The following AMOT variants were observed in gnomAD, a reference collection of about 807,000 sequenced individuals.
The protein encoded by AMOT is angiomotin.
In AMOT, 11 loss-of-function variants were observed where a neutral mutation model predicts 67.0. The ratio of observed to expected loss-of-function variants is 0.16; its 90% confidence interval spans 0.10 to 0.27. The LOEUF is 0.27. AMOT is among the 10% of genes least tolerant of loss of function. The pLI is 1.00. For synonymous variants in AMOT, 326 were observed against 321.4 expected, an observed-to-expected ratio of 1.01 and a Z score of -0.15; for missense variants, 753 against 852.0, an observed-to-expected ratio of 0.88 and a Z score of 1.45.
chrX:112,830,502 C>A (rs780303489), intron 2 of AMOT, among the ~76,000 whole-genome samples: 29 of 112,117 alleles, frequency 2.6e-4, no homozygotes, highest in Non-Finnish European at 4.5e-4. Context: ...ACTGATGGGT[C>A]AAGAAGCATA....
intron 8 of AMOT, among the ~76,000 whole-genome samples, chrX:112,801,746 A>T (rs1176266947): frequency 1.8e-5 from 2 of 112,571 alleles, no homozygotes; most frequent in African/African-American, 6.5e-5. Flanking sequence ...AAATAAATGC[A>T]AGGGTCCTCT....
chrX:112,834,031 T>C (rs1279512035), intron 1 of AMOT, among the ~76,000 whole-genome samples: 1 of 112,212 alleles, frequency 8.9e-6, no homozygotes, highest in Non-Finnish European at 1.9e-5. Flanking sequence ...GGCAACTTCA[T>C]AAAAGGATGT....
intron 11 of AMOT, among the ~76,000 whole-genome samples, chrX:112,782,006 G>A (rs1290703412): frequency 3.6e-5 from 4 of 110,791 alleles, no homozygotes; most frequent in African/African-American, 9.9e-5. Context: ...CTCCTGCCTC[G>A]GCCTCCTGAG....
rs143829571 is a variant in AMOT, at chrX:112,815,423, C to G, written c.1327G>C (p.Asp443His). 1 of 1,212,020 alleles carries G rather than the reference C, an allele frequency of 8.3e-7. No individual in the cohort carries two copies. The highest frequency in any genetic ancestry group is 1.1e-6 in the Non-Finnish European group (1 of 895,601). ...TCTTGCCTCAAGTTCCGGTTCTCGT[C>G]TGAGAGGATCTCAACCATCTGCTGG... ...RAQQMVEILS[D>H]ENRNLRQELE... Residue 443 changes from aspartate (D) to histidine (H), a missense_variant, in exon 5 of 14, where the codon GAC (aspartate) becomes CAC (histidine). By Grantham distance (81) the Asp-to-His change is moderately conservative (BLOSUM62 -1). Transcript: ENST00000371959.
chrX:112,838,483 C>T (rs532861075), intron 1 of AMOT, among the ~76,000 whole-genome samples: 1 of 111,722 alleles, frequency 9.0e-6, no homozygotes, highest in Middle Eastern at 4.7e-3. Context: ...TCATAGTATC[C>T]ATCCCCCTGC....
intron 5 of AMOT, among the ~76,000 whole-genome samples, chrX:112,813,091 C>G (rs1196077359): frequency 8.9e-6 from 1 of 112,442 alleles, no homozygotes; most frequent in African/African-American, 3.2e-5. Flanking sequence ...TTGGTCTGCT[C>G]TGGGCAGCAT....
Position 112,805,045 on chromosome X carries a change from T to C in AMOT, c.1678A>G (p.Thr560Ala). Residue 560 changes from threonine (T) to alanine (A), a missense_variant, in exon 8 of 14, where the codon ACT becomes GCT. Physicochemically the swap from Thr to Ala is moderately conservative, Grantham distance 58. Transcript: ENST00000371959. ...EKEKLEAELA[T>A]ARSTNEDQRR... ...TGGTCCTCATTGGTAGAACGGGCAG[T>C]GGCCAGCTCCGCTTCCAGCTTCTCC... 8.3e-7 allele frequency: 1 copy of C among 1,211,984 alleles called. No individual in the cohort carries two copies. Among genetic ancestry groups the C allele is most frequent in the Non-Finnish European group, 1.1e-6 (1 of 895,576 alleles).
intron 8 of AMOT, among the ~76,000 whole-genome samples, chrX:112,794,333 G>A (rs915306172): frequency 8.9e-6 from 1 of 111,928 alleles, no homozygotes; most frequent in African/African-American, 3.3e-5. Flanking sequence ...TAGGCATGCA[G>A]GTCAGATAAA....
intron 8 of AMOT, among the ~76,000 whole-genome samples, chrX:112,801,971 C>A (rs769114638): frequency 8.9e-6 from 1 of 112,529 alleles, no homozygotes; most frequent in Non-Finnish European, 1.9e-5. Flanking sequence ...GTTCATGATG[C>A]CATTTGTAAG....
chrX:112,832,778 T>C (rs1935025378), intron 1 of AMOT, among the ~76,000 whole-genome samples: 1 of 111,905 alleles, frequency 8.9e-6, no homozygotes, highest in African/African-American at 3.3e-5. Flanking sequence ...CTGTGCCCCT[T>C]TTCAAGGGAG....
chrX:112,787,085 C>G (rs1479934049), intron 10 of AMOT, among the ~76,000 whole-genome samples: 1 of 111,572 alleles, frequency 9.0e-6, no homozygotes, highest in Non-Finnish European at 1.9e-5. Context: ...AGGCTAAAAA[C>G]CTAGGTTTTC....
At chrX:112,805,494 T>C (rs1022839276) in intron 7 of AMOT, among the ~76,000 whole-genome samples, 2 of 110,876 alleles carry the variant, frequency 1.8e-5, no homozygotes, top group South Asian at 3.9e-4. Context: ...CAAAAAGCAA[T>C]TGAGCTCAAA....
intron 10 of AMOT, among the ~76,000 whole-genome samples, chrX:112,788,543 A>G (rs2147784624): frequency 8.9e-6 from 1 of 112,474 alleles, no homozygotes; most frequent in African/African-American, 3.2e-5. Context: ...AAGAAAACCA[A>G]CCTCCATGGT....
intron 8 of AMOT, among the ~76,000 whole-genome samples, chrX:112,798,214 A>G: frequency 8.9e-6 from 1 of 112,279 alleles, no homozygotes; most frequent in Non-Finnish European, 1.9e-5. Context: ...TGGTCTGATC[A>G]TTTCTTATCC....
chrX:112,795,494 A>G (rs997964930), intron 8 of AMOT, among the ~76,000 whole-genome samples: 1 of 111,676 alleles, frequency 9.0e-6, no homozygotes, highest in Non-Finnish European at 1.9e-5. Flanking sequence ...GGTCAGCAGC[A>G]GCCCAAATCC....
chrX:112,835,820 G>C (rs920922925), intron 1 of AMOT, among the ~76,000 whole-genome samples: 3 of 111,348 alleles, frequency 2.7e-5, no homozygotes, highest in Admixed American at 1.9e-4. Flanking sequence ...CTGACCTTAG[G>C]TGATCCGCCC....
intron 10 of AMOT, among the ~76,000 whole-genome samples, chrX:112,782,956 A>G (rs73630530): frequency 0.01 from 1,168 of 111,545 alleles, 14 homozygotes; most frequent in African/African-American, 0.036. Flanking sequence ...ACCTTCTGGC[A>G]GATAGCCCCT....
At chrX:112,824,014 A>G (rs1244722009) in intron 3 of AMOT, among the ~76,000 whole-genome samples, 1 of 112,263 alleles carries the variant, frequency 8.9e-6, no homozygotes, top group African/African-American at 3.2e-5. Flanking sequence ...TACGATTAGC[A>G]TATCCCCTCC....
intron 8 of AMOT, 147 bp from the exon 9 acceptor site, chrX:112,792,128 T>C: frequency 4.8e-6 from 3 of 622,816 alleles, no homozygotes; most frequent in Non-Finnish European, 5.0e-6. Flanking sequence ...GGCGAGAAGG[T>C]CCTTCACAAT....
Sources: gnomAD v4.1 joint callset for allele counts (sites outside exome capture counted in the v4.1 genomes callset) on GRCh38, gnomAD v4.1.1 for gene constraint, MANE v1.5 for transcripts, NCBI Gene and HGNC (gene_info 2026-07-23, HGNC 2026-07-21) for gene names.